The following DPP4 variants were observed in gnomAD, a reference collection of about 807,000 sequenced individuals.
DPP4 encodes ADCP-2.
A neutral mutation model predicts 122.4 loss-of-function variants in DPP4; 93 were observed. The observed-to-expected ratio is 0.76, with a 90% CI of 0.64 to 0.90. The LOEUF (loss-of-function observed/expected upper bound fraction) is 0.90, where lower values mean the gene tolerates loss of function less well. DPP4 is among the 40% of genes least tolerant of loss of function. The pLI, the probability that DPP4 is intolerant of heterozygous loss-of-function variation, is 0.00. For synonymous variants in DPP4, 321 were observed against 302.9 expected (o/e 1.06, Z -0.62); for missense variants, 914 against 907.3 (o/e 1.01, Z -0.09).
chr2:162,001,263 C>T (rs2106075680), intron 23 of DPP4, among the ~76,000 whole-genome samples: 1 of 152,114 alleles, frequency 6.6e-6, no homozygotes, highest in East Asian at 1.9e-4. Context: ...TGATGACTTG[C>T]CATAGAAGCA....
chr2:162,064,696 T>C (rs1236043121), intron 2 of DPP4, among the ~76,000 whole-genome samples: 8 of 152,366 alleles, frequency 5.3e-5, no homozygotes, highest in Middle Eastern at 6.8e-3. Context: ...ACCTGCTCTA[T>C]TATCTCAGAT....
chr2:162,003,398 T>C (rs143882075), intron 23 of DPP4, among the ~76,000 whole-genome samples: 285 of 152,184 alleles, frequency 1.9e-3, no homozygotes, highest in Non-Finnish European at 3.2e-3. Context: ...AATTATCCTA[T>C]CTCATTATAT....
chr2:162,010,026 G>A (rs1682629848), intron 20 of DPP4, among the ~76,000 whole-genome samples: 1 of 152,088 alleles, frequency 6.6e-6, no homozygotes, highest in East Asian at 1.9e-4. Context: ...TTTTAGCATT[G>A]TGGGTGGTTG....
chr2:162,072,647 G>C (rs1685157638), intron 2 of DPP4, among the ~76,000 whole-genome samples: 1 of 152,204 alleles, frequency 6.6e-6, no homozygotes, highest in African/African-American at 2.4e-5. Flanking sequence ...AGTAAGGCCA[G>C]GGGAGACTGA....
rs1029484288 is a variant in DPP4, at chr2:161,994,854, T to C, written c.2199+107A>G. The C allele has an allele frequency of 7.5e-6, 8 of 1,063,624 alleles. No homozygotes were observed. In the African/African-American group the frequency reaches 1.1e-4, roughly 15 times the overall value. The allele number at this position is 1,063,624 out of a possible 1,614,324, so 65.9% of individuals were successfully genotyped here. On this transcript the variant is annotated intron_variant, in intron 25 of 25. Transcript: ENST00000360534. ...TTCACGTTGAAAAAAAAATTTTTAA[T>C]GTTTTTATTCTGTCCTGTCTGTGGC...
chr2:162,000,860 A>G (rs187321614), intron 23 of DPP4, among the ~76,000 whole-genome samples: 36 of 152,268 alleles, frequency 2.4e-4, no homozygotes, highest in Admixed American at 7.8e-4. Context: ...GTGTGTATTC[A>G]TAAATCTATC....
chr2:162,074,163 G>A lies in DPP4; in HGVS notation c.-182C>T. The A allele has an allele frequency of 7.6e-7, 1 of 1,313,270 alleles. No homozygotes were observed. Among genetic ancestry groups the A allele is most frequent in the Non-Finnish European group, 9.7e-7 (1 of 1,033,060 alleles). 81.4% of individuals were successfully genotyped at this position (1,313,270 alleles called of 1,614,324 possible). A position where few individuals can be genotyped will look rare whatever the true frequency, so the allele number is the denominator to read the frequency against. On this transcript the variant is annotated 5_prime_UTR_variant, in exon 1 of 26. Transcript: ENST00000360534. ...GCCCGCTGGGTATAAAGGCGCCGCGGGCAGGCTGCAGGGCAGGCGGCGCGG... is the reference window on the plus strand; with the variant it reads ...GCCCGCTGGGTATAAAGGCGCCGCGAGCAGGCTGCAGGGCAGGCGGCGCGG...
At chr2:161,999,636 C>G (rs1335964161) in intron 23 of DPP4, among the ~76,000 whole-genome samples, 2 of 152,206 alleles carry the variant, frequency 1.3e-5, no homozygotes, top group African/African-American at 4.8e-5. Flanking sequence ...TCTGTAGCTG[C>G]TCGTTGGATC....
At chr2:162,044,398 G>T (rs975342684) in intron 5 of DPP4, among the ~76,000 whole-genome samples, 7 of 151,790 alleles carry the variant, frequency 4.6e-5, no homozygotes, top group Non-Finnish European at 8.8e-5. Flanking sequence ...AGCAGTGTTG[G>T]TGTGTGAGTG....
chr2:162,018,963 A>T, intron 15 of DPP4, 113 bp from the exon 16 acceptor site: 1 of 1,360,682 alleles, frequency 7.3e-7, no homozygotes. Context: ...CGCAATCTTT[A>T]GGACTTTTTT....
chr2:162,073,784 TCCTAGCAGAAGCC>T, intron 1 of DPP4, among the ~76,000 whole-genome samples, 179 bp downstream of exon 1: 2 of 84,192 alleles, frequency 2.4e-5, no homozygotes. Flanking sequence ...GACGCCAGGG[TCCTAGCAGAAGCC>T]AGGGTCCGAA....
At chr2:162,061,247 G>A (rs1037939740) in intron 2 of DPP4, among the ~76,000 whole-genome samples, 4 of 152,228 alleles carry the variant, frequency 2.6e-5, no homozygotes, top group Admixed American at 2.6e-4. Context: ...CTGCTCTGTG[G>A]TTAAGGATGC....
intron 2 of DPP4, among the ~76,000 whole-genome samples, chr2:162,053,330 T>C (rs1684449961): frequency 6.6e-6 from 1 of 152,206 alleles, no homozygotes; most frequent in Non-Finnish European, 1.5e-5. Flanking sequence ...TGCCACGGCC[T>C]AGGCCAGGGG....
intron 22 of DPP4, among the ~76,000 whole-genome samples, chr2:162,007,202 T>C (rs1701303227): frequency 6.6e-6 from 1 of 152,108 alleles, no homozygotes; most frequent in Non-Finnish European, 1.5e-5. Flanking sequence ...AAAATGCTCA[T>C]ATCTCTTTTA....
At chr2:162,059,822 C>A (rs1329421758) in intron 2 of DPP4, among the ~76,000 whole-genome samples, 1 of 152,202 alleles carries the variant, frequency 6.6e-6, no homozygotes, top group South Asian at 2.1e-4. Context: ...AATTACTATA[C>A]TACCTGCGTC....
intron 12 of DPP4, among the ~76,000 whole-genome samples, chr2:162,022,071 G>C (rs1342147974): frequency 6.6e-6 from 1 of 152,142 alleles, no homozygotes; most frequent in Non-Finnish European, 1.5e-5. Context: ...AATTAAGTGA[G>C]ATTCATTCCT....
intron 5 of DPP4, among the ~76,000 whole-genome samples, chr2:162,045,253 G>A (rs912440728): frequency 6.6e-6 from 1 of 152,208 alleles, no homozygotes; most frequent in South Asian, 2.1e-4. Flanking sequence ...AAATATGTGT[G>A]TAAGTACAAA....
rs569149096 is a variant in DPP4 at position 162,035,395 on chromosome 2, T to C, written c.614-71A>G. On this transcript the variant is annotated intron_variant, in intron 8 of 25. Transcript: ENST00000360534. ...ATTGGCTTTGGCATTCAAAATATTG[T>C]TCTCATTAGCTTTAGTAATTACAGT... 9.6e-5 allele frequency: 138 copies of C among 1,439,358 alleles called. 2 individuals are homozygous for C. The highest frequency in any genetic ancestry group is 9.3e-4 in the Middle Eastern group (5 of 5,348). 89.2% of individuals were successfully genotyped at this position (1,439,358 alleles called of 1,614,324 possible).
At chr2:162,018,521 G>T (rs1238671735) in intron 16 of DPP4, among the ~76,000 whole-genome samples, 1 of 152,230 alleles carries the variant, frequency 6.6e-6, no homozygotes, top group African/African-American at 2.4e-5. Flanking sequence ...TTGTGCATGT[G>T]TGAGTGTGTT....
Sources: allele counts gnomAD v4.1 joint callset (sites outside exome capture counted in the v4.1 genomes callset), GRCh38; gene constraint gnomAD v4.1.1; transcripts MANE v1.5; gene names NCBI Gene and HGNC (gene_info 2026-07-23, HGNC 2026-07-21).